The following KBTBD12 variants were observed in gnomAD, a reference collection of about 807,000 sequenced individuals.
The protein encoded by KBTBD12 is kelch repeat and BTB domain containing 12, also known as kelch repeat and BTB domain-containing protein 12.
A neutral mutation model predicts 58.7 loss-of-function variants in KBTBD12; 53 were observed. The ratio of observed to expected loss-of-function variants is 0.90; its 90% CI spans 0.72 to 1.14. The LOEUF is 1.14. Ranked by LOEUF, KBTBD12 falls within the 50% of genes most tolerant of loss-of-function variation. The pLI is 0.00. For missense variants in KBTBD12, 704 were observed against 751.3 expected, an observed-to-expected ratio of 0.94 and a Z score of 0.74; for synonymous variants, 236 against 259.8, an observed-to-expected ratio of 0.91 and a Z score of 0.88.
chr3:127,973,007 C>G lies in KBTBD12; in HGVS notation c.1690+9621C>G, dbSNP rs1204900631. Among the ~76,000 whole-genome samples the G allele has an allele frequency of 2.0e-5, 3 of 152,284 alleles. No individual in the cohort carries two copies. In the East Asian group the frequency reaches 5.8e-4, roughly 29 times the overall value. On this transcript the variant is annotated intron_variant, in intron 5 of 5. Transcript: ENST00000405109. ...ACTGAAGACATATTACCTGATAAAT[C>G]ACAGACTAATTACAACATGAAAAAA...
Position 127,923,838 on chromosome 3 carries a change from A to G in KBTBD12, c.777A>G (p.Thr259=), listed in dbSNP as rs1042486504. 1 of 1,613,884 alleles carries G rather than the reference A, an allele frequency of 6.2e-7. No individual in the cohort carries two copies. The highest frequency in any genetic ancestry group is 1.7e-5 in the Admixed American group (1 of 60,014). The change falls in exon 2 of 6, where the codon ACA becomes ACG. Residue 259 remains threonine, a synonymous_variant. Transcript: ENST00000405109. ...AAAATGCATTCAAAGCCATCAAGAC[A>G]CCCCAACAGCACTCTCTAAATCTGC... ...IIQNAFKAIK[T]PQQHSLNLRY...
chr3:127,980,093 G>A (rs1940847961), intron 5 of KBTBD12, among the ~76,000 whole-genome samples: 1 of 152,094 alleles, frequency 6.6e-6, no homozygotes, highest in Non-Finnish European at 1.5e-5. Flanking sequence ...TCTAAAAAGA[G>A]GTACTCAGAA....
chr3:127,975,126 C>A (rs1305475667), intron 5 of KBTBD12, among the ~76,000 whole-genome samples: 1 of 152,106 alleles, frequency 6.6e-6, no homozygotes, highest in African/African-American at 2.4e-5. Flanking sequence ...AAAGGAGGGG[C>A]GCCAGGAGAG....
At chr3:127,955,208 C>T (rs1245510160) in intron 4 of KBTBD12, among the ~76,000 whole-genome samples, 2 of 152,200 alleles carry the variant, frequency 1.3e-5, no homozygotes, top group Non-Finnish European at 2.9e-5. Flanking sequence ...CTTTTCATTT[C>T]CCTGTCTAGG....
chr3:127,953,147 T>C (rs1940243554), intron 4 of KBTBD12, among the ~76,000 whole-genome samples: 1 of 152,212 alleles, frequency 6.6e-6, no homozygotes, highest in Non-Finnish European at 1.5e-5. Context: ...ATATGAGAAG[T>C]GCTCAATAGA....
chr3:127,936,889 T>C (rs1458697734), intron 4 of KBTBD12, among the ~76,000 whole-genome samples: 1 of 152,038 alleles, frequency 6.6e-6, no homozygotes, highest in Non-Finnish European at 1.5e-5. Context: ...CCCTGAGAAG[T>C]AATAATCATA....
At chr3:127,922,155 G>A (rs970553219) in intron 1 of KBTBD12, among the ~76,000 whole-genome samples, 8 of 152,090 alleles carry the variant, frequency 5.3e-5, no homozygotes, top group Admixed American at 2.6e-4. Flanking sequence ...AGATGAGACA[G>A]CTAACTTTAA....
intron 2 of KBTBD12, among the ~76,000 whole-genome samples, chr3:127,926,042 T>C (rs1939559550): frequency 6.6e-6 from 1 of 152,226 alleles, no homozygotes; most frequent in African/African-American, 2.4e-5. Flanking sequence ...TTTAAAAAGA[T>C]GTACCTTTCC....
intron 4 of KBTBD12, among the ~76,000 whole-genome samples, chr3:127,942,636 C>A: frequency 6.9e-6 from 1 of 145,200 alleles, no homozygotes. Context: ...ATATATATAA[C>A]TATATATAAC....
intron 5 of KBTBD12, 145 bp downstream of exon 5, chr3:127,963,531 C>A (rs56171845): frequency 2.2e-3 from 1,625 of 728,898 alleles, no homozygotes; most frequent in Non-Finnish European, 3.1e-3. Flanking sequence ...CTGTGCAAAA[C>A]CTCTTGGCCT....
intron 4 of KBTBD12, among the ~76,000 whole-genome samples, chr3:127,946,904 C>T (rs994861574): frequency 1.3e-5 from 2 of 152,190 alleles, no homozygotes; most frequent in African/African-American, 4.8e-5. Flanking sequence ...ATTCAGACTG[C>T]TGTTAACCCA....
intron 4 of KBTBD12, among the ~76,000 whole-genome samples, chr3:127,936,639 C>A (rs913804590): frequency 1.3e-5 from 2 of 152,096 alleles, no homozygotes; most frequent in Admixed American, 6.6e-5. Flanking sequence ...GCAGGACACC[C>A]AAACATTTAT....
intron 5 of KBTBD12, among the ~76,000 whole-genome samples, chr3:127,980,482 A>G (rs1940854781): frequency 6.6e-6 from 1 of 152,154 alleles, no homozygotes; most frequent in African/African-American, 2.4e-5. Context: ...GGTGGGCGCT[A>G]CCACGCCCAG....
chr3:127,950,278 G>A (rs142965110), intron 4 of KBTBD12, among the ~76,000 whole-genome samples: 201 of 152,280 alleles, frequency 1.3e-3, no homozygotes, highest in African/African-American at 4.7e-3. Flanking sequence ...ATCTCAGGGA[G>A]GGAAGTGGGA....
chr3:127,957,394 CT>C (rs1312364498), intron 4 of KBTBD12, among the ~76,000 whole-genome samples: 2 of 152,152 alleles, frequency 1.3e-5, no homozygotes, highest in Non-Finnish European at 2.9e-5. Context: ...CATTTCTAAG[CT>C]GTGGAATAGG....
At chr3:127,921,341 CTAATAA>C (rs1939401927) in intron 1 of KBTBD12, among the ~76,000 whole-genome samples, 1 of 152,030 alleles carries the variant, frequency 6.6e-6, no homozygotes, top group Non-Finnish European at 1.5e-5. Flanking sequence ...TCACTGGAAA[CTAATAA>C]TAATGTCCAT....
At chr3:127,971,092 G>A (rs1010393408) in intron 5 of KBTBD12, among the ~76,000 whole-genome samples, 2 of 152,152 alleles carry the variant, frequency 1.3e-5, no homozygotes, top group Admixed American at 1.3e-4. Context: ...GGTTCCTTGA[G>A]TGAAAGAGGC....
intron 4 of KBTBD12, among the ~76,000 whole-genome samples, chr3:127,950,949 A>C (rs1940190383): frequency 6.6e-6 from 1 of 152,136 alleles, no homozygotes. Flanking sequence ...GAATCACTTG[A>C]ACATGGGAGG....
chr3:127,949,179 G>A (rs1322997844), intron 4 of KBTBD12, among the ~76,000 whole-genome samples: 1 of 152,182 alleles, frequency 6.6e-6, no homozygotes, highest in Non-Finnish European at 1.5e-5. Flanking sequence ...AGATGTCACA[G>A]AGAGATTGAC....
Sources: gnomAD v4.1 joint callset for allele counts (sites outside exome capture counted in the v4.1 genomes callset) on GRCh38, gnomAD v4.1.1 for gene constraint, MANE v1.5 for transcripts, NCBI Gene and HGNC (gene_info 2026-07-23, HGNC 2026-07-21) for gene names.